RRAGC: variants seen among roughly 807,000 people sequenced by gnomAD.
RRAGC encodes the protein Ras related GTP binding C.
Under a neutral mutation model 37.1 loss-of-function variants are expected in RRAGC, and 8 were observed. The observed-to-expected ratio is 0.22, with a 90% confidence interval of 0.13 to 0.39. The LOEUF (loss-of-function observed/expected upper bound fraction) is 0.39. RRAGC is among the 10% of genes least tolerant of loss of function. The probability of loss-of-function intolerance (pLI) is 1.00; values close to 1 mark genes in which losing one functional copy is unlikely to be tolerated. For missense variants in RRAGC, 342 were observed against 497.6 expected, an observed-to-expected ratio of 0.69 and a Z score of 2.98; for synonymous variants, 190 against 181.1, an observed-to-expected ratio of 1.05 and a Z score of -0.39.
At chr1:38,843,677 G>C (rs985858789) in intron 6 of RRAGC, among the ~76,000 whole-genome samples, 7 of 149,016 alleles carry the variant, frequency 4.7e-5, no homozygotes, top group Non-Finnish European at 1.0e-4. Context: ...CCGAGATTGC[G>C]CCACTGCACT....
chr1:38,851,500 A>G, intron 5 of RRAGC, 115 bp downstream of exon 5: 1 of 918,614 alleles, frequency 1.1e-6, no homozygotes, highest in South Asian at 2.2e-5. Flanking sequence ...GGTCAGAACA[A>G]TCCCAGTTCA....
Position 38,845,943 on chromosome 1 carries a change from T to C in RRAGC, c.1044A>G (p.Arg348=). ...VCILREESFE[R]KGLIDYNFHC... ...AGCTTTTTAAAATGCTATTACCTTT[T>C]CTTTCAAAGCTTTCTTCCCTTAGAA... The change falls in exon 6 of 7, where the codon AGA becomes AGG. Residue 348 remains arginine, a synonymous_variant. Coordinates refer to ENST00000373001, the MANE Select transcript of RRAGC (RefSeq NM_022157.4). The C allele has an allele frequency of 6.2e-7, 1 of 1,603,258 alleles. No homozygotes were observed. The highest frequency in any genetic ancestry group is 2.2e-5 in the East Asian group (1 of 44,670).
rs112925356 is a variant in RRAGC at position 38,859,464 on chromosome 1, C to T, written c.183G>A (p.Lys61=). Residue 61 remains lysine (K), a synonymous_variant, in exon 1 of 7, where the codon AAG becomes AAA. Transcript: ENST00000373001. ...GCGPGGADSS[K]PRILLMGLRR... ...GGAGTCCCATGAGCAGAATCCTCGG[C>T]TTGGAGCTGTCAGCGCCCCCCGGAC... 8,687 of 1,548,198 alleles carry T rather than the reference C, an allele frequency of 5.6e-3. 172 individuals carry two copies. In the African/African-American group the frequency reaches 0.059, roughly 10 times the overall value.
At chr1:38,857,163 A>C in intron 1 of RRAGC, 81 bp from the exon 2 acceptor site, 1 of 1,201,886 alleles carries the variant, frequency 8.3e-7, no homozygotes, top group Non-Finnish European at 1.2e-6. Context: ...TTAACATTTA[A>C]ACATTTGATC....
chr1:38,855,986 T>C (rs1293803452), intron 2 of RRAGC, 79 bp from the exon 3 acceptor site: 1 of 910,254 alleles, frequency 1.1e-6, no homozygotes, highest in Non-Finnish European at 1.7e-6. Context: ...AACCACCTCT[T>C]TCCCCAACCA....
intron 1 of RRAGC, among the ~76,000 whole-genome samples, chr1:38,858,366 G>A (rs1642192898): frequency 6.6e-6 from 1 of 152,122 alleles, no homozygotes; most frequent in Admixed American, 6.5e-5. Flanking sequence ...AATGGGTTTG[G>A]CTGATGGAGG....
At chr1:38,839,795 C>T in intron 6 of RRAGC, 91 bp from the exon 7 acceptor site, 1 of 1,293,516 alleles carries the variant, frequency 7.7e-7, no homozygotes, top group Non-Finnish European at 1.1e-6. Context: ...CTCGGATAAA[C>T]ACTGGTTGGA....
At chr1:38,854,445 G>A (rs965032369) in intron 3 of RRAGC, among the ~76,000 whole-genome samples, 1 of 152,176 alleles carries the variant, frequency 6.6e-6, no homozygotes, top group Admixed American at 6.5e-5. Context: ...GAAAGGGATG[G>A]CATGTACCAC....
intron 5 of RRAGC, 135 bp downstream of exon 5, chr1:38,851,480 A>T: frequency 4.3e-6 from 3 of 691,328 alleles, no homozygotes; most frequent in Non-Finnish European, 6.6e-6. Context: ...GCTCCAAGTT[A>T]AAGCACTATG....
chr1:38,857,516 G>A (rs2124235348), intron 1 of RRAGC, among the ~76,000 whole-genome samples: 1 of 152,340 alleles, frequency 6.6e-6, no homozygotes, highest in South Asian at 2.1e-4. Flanking sequence ...AAGTGAAACA[G>A]ACTGGACTCT....
chr1:38,844,859 C>A (rs1420140703), intron 6 of RRAGC, among the ~76,000 whole-genome samples: 1 of 151,966 alleles, frequency 6.6e-6, no homozygotes, highest in Non-Finnish European at 1.5e-5. Context: ...ATGCAGCCAA[C>A]GAATATATGA....
chr1:38,858,570 C>T (rs1293564690), intron 1 of RRAGC, among the ~76,000 whole-genome samples: 3 of 152,200 alleles, frequency 2.0e-5, no homozygotes, highest in Admixed American at 6.5e-5. Context: ...TGGTGGCGCG[C>T]GCCTGTAATC....
chr1:38,849,654 C>CT (rs1642072126), intron 5 of RRAGC, among the ~76,000 whole-genome samples: 1 of 152,036 alleles, frequency 6.6e-6, no homozygotes, highest in African/African-American at 2.4e-5. Flanking sequence ...CACCACTGCA[C>CT]TCCAGCCTGG....
intron 6 of RRAGC, among the ~76,000 whole-genome samples, chr1:38,844,535 CA>C (rs1176481587): frequency 2.6e-5 from 4 of 150,970 alleles, no homozygotes; most frequent in African/African-American, 9.7e-5. Context: ...TTCAGAGAAG[CA>C]AAGAGAGAAG....
rs371469388 is a variant in RRAGC at position 38,850,925 on chromosome 1, C to T, written c.899+690G>A. ...CCCCAAGCGATCCTCTCACCCCAGG[C>T]TTCCAAACATCTGGGATTATGGGCA... On this transcript the variant is annotated intron_variant, in intron 5 of 6. Coordinates refer to ENST00000373001, the MANE Select transcript of RRAGC (RefSeq NM_022157.4). Among the ~76,000 whole-genome samples the T allele has an allele frequency of 5.9e-5, 9 of 152,254 alleles. No individual in the cohort carries two copies. The South Asian group carries it at 1.7e-3, about 28-fold the overall frequency.
rs774536211 is a variant in RRAGC at position 38,839,740 on chromosome 1, T to C, written c.1049-36A>G. 1.9e-6 allele frequency: 3 copies of C among 1,598,832 alleles called. No individual in the cohort carries two copies. The South Asian group carries it at 3.3e-5, about 18-fold the overall frequency. On this transcript the variant is annotated intron_variant, in intron 6 of 6. Coordinates refer to ENST00000373001, the MANE Select transcript of RRAGC (RefSeq NM_022157.4). The stretch of plus-strand genomic sequence containing the variant: ...GAAAAAGAAAAGAATGCCTCCTGAA[T>C]TGTCAATTGTGAAATTTTATATTTG...
At chr1:38,849,231 T>C (rs1314653658) in intron 5 of RRAGC, among the ~76,000 whole-genome samples, 1 of 151,998 alleles carries the variant, frequency 6.6e-6, no homozygotes, top group Non-Finnish European at 1.5e-5. Flanking sequence ...GACCCGTGGC[T>C]GGAGTGCAGT....
chr1:38,851,726 T>A lies in RRAGC; in HGVS notation c.788A>T (p.Asp263Val), dbSNP rs1321123568. Residue 263 changes from aspartate (D) to valine (V), a missense_variant, in exon 5 of 7, where the codon GAT becomes GTT. Asp to Val is a radical substitution (Grantham distance 152). Transcript: ENST00000373001. ...TGCAATGTAGATTTTGCTGACAACATCAAAGAGAAAAGCTTTTTCAATACC... is the reference window on the plus strand; with the variant it reads ...TGCAATGTAGATTTTGCTGACAACAACAAAGAGAAAAGCTTTTTCAATACC... ...NSGIEKAFLF[D>V]VVSKIYIATD... 6.2e-7 allele frequency: 1 copy of A among 1,609,978 alleles called. No homozygotes were observed. Among genetic ancestry groups the A allele is most frequent in the African/African-American group, 1.3e-5 (1 of 74,606 alleles).
Position 38,857,087 on chromosome 1 carries a change from T to G in RRAGC, c.238-5A>C. ...TGACATCTTATGAAACACCACCTGT[T>G]AAAAGAAAACAGGCAATTTTATGAC... On this transcript the variant is annotated splice_polypyrimidine_tract_variant and splice_region_variant and intron_variant, in intron 1 of 6. Transcript: ENST00000373001. 6.2e-7 allele frequency: 1 copy of G among 1,602,050 alleles called. No homozygotes were observed.
Sources: gnomAD v4.1 joint callset for allele counts (sites outside exome capture counted in the v4.1 genomes callset) on GRCh38, gnomAD v4.1.1 for gene constraint, MANE v1.5 for transcripts, NCBI Gene and HGNC (gene_info 2026-07-23, HGNC 2026-07-21) for gene names.